YPEL4: variants seen among roughly 807,000 people sequenced by gnomAD.
YPEL4 encodes the protein protein yippee-like 4.
A neutral mutation model predicts 16.3 loss-of-function variants in YPEL4; 5 were observed. That is an observed-to-expected ratio of 0.31 (90% CI 0.16 to 0.64). The LOEUF (loss-of-function observed/expected upper bound fraction) is 0.64. YPEL4 is among the 30% of genes least tolerant of loss of function. The pLI is 0.79. For missense variants in YPEL4, 127 were observed against 170.0 expected, an observed-to-expected ratio of 0.75 and a Z score of 1.41; for synonymous variants, 61 against 60.7, an observed-to-expected ratio of 1.00 and a Z score of -0.02.
Position 57,645,880 on chromosome 11 carries a change from T to TC in YPEL4, c.*100dup. On this transcript the variant is annotated 3_prime_UTR_variant, in exon 5 of 5. Transcript: ENST00000300022. Reference sequence around the variant, plus strand: ...GGGAGGGGTTGGTTGGAGCCAGGTTTCCCCCAGGGGTGGGGCAGTACTCAT... The same window carrying TC: ...GGGAGGGGTTGGTTGGAGCCAGGTTTCCCCCCAGGGGTGGGGCAGTACTCAT... 1 of 1,229,186 alleles carries TC rather than the reference T, an allele frequency of 8.1e-7. No homozygotes were observed. Among genetic ancestry groups the TC allele is most frequent in the Non-Finnish European group, 1.1e-6 (1 of 871,156 alleles). The allele number at this position is 1,229,186 out of a possible 1,614,324, so 76.1% of individuals were successfully genotyped here. A position where few individuals can be genotyped will look rare whatever the true frequency, so the allele number is the denominator to read the frequency against.
rs193292615 is a variant in YPEL4 at position 57,645,749 on chromosome 11, G to C, written c.*232C>G. The C allele has an allele frequency of 2.2e-4, 121 of 544,954 alleles. No homozygotes were observed. The highest frequency in any genetic ancestry group is 2.2e-3 in the African/African-American group (116 of 53,128). The allele number at this position is 544,954 out of a possible 1,614,324, so 33.8% of individuals were successfully genotyped here. A position where few individuals can be genotyped will look rare whatever the true frequency, so the allele number is the denominator to read the frequency against. On this transcript the variant is annotated 3_prime_UTR_variant, in exon 5 of 5. Transcript: ENST00000300022. ...GACCCACAACCATCCCTTTCCCCCA[G>C]TTCTGTCTCTCCCTGACTGCTGCCC...
Position 57,645,733 on chromosome 11 carries a change from C to G in YPEL4, c.*248G>C, listed in dbSNP as rs570999066. On this transcript the variant is annotated 3_prime_UTR_variant, in exon 5 of 5. Coordinates refer to ENST00000300022, the MANE Select transcript of YPEL4 (RefSeq NM_145008.3). ...ATCTTGGGAACAGAAAGACCCACAA[C>G]CATCCCTTTCCCCCAGTTCTGTCTC... 2.3e-4 allele frequency: 119 copies of G among 518,988 alleles called. 2 individuals carry two copies. In the South Asian group the frequency reaches 3.0e-3, roughly 13 times the overall value. 32.1% of individuals were successfully genotyped at this position (518,988 alleles called of 1,614,324 possible).
At position 57,647,728 on chromosome 11, in the gene YPEL4, G is replaced by C. The variant is rs1414260688; in HGVS notation, c.-184-437C>G. 6.6e-6 allele frequency: 1 copy of C among 152,258 alleles called. No individual in the cohort carries two copies. Among genetic ancestry groups the C allele is most frequent in the Non-Finnish European group, 1.5e-5 (1 of 68,098 alleles). 9.4% of individuals were successfully genotyped at this position (152,258 alleles called of 1,614,324 possible). A position where few individuals can be genotyped will look rare whatever the true frequency, so the allele number is the denominator to read the frequency against. On this transcript the variant is annotated intron_variant, in intron 1 of 4. Coordinates refer to ENST00000300022, the MANE Select transcript of YPEL4 (RefSeq NM_145008.3). The surrounding 1 kb of genome is among the most constrained non-coding windows in gnomAD (Gnocchi z 4.2). ...ATGCCTGAAGGTCTTTCTTTTACATGGTCTTTGTTTGCAATACAATTGGTC... is the reference window on the plus strand; with the variant it reads ...ATGCCTGAAGGTCTTTCTTTTACATCGTCTTTGTTTGCAATACAATTGGTC...
At position 57,647,210 on chromosome 11, in the gene YPEL4, C is replaced by T. The variant is rs1945742596; in HGVS notation, c.-103G>A. The T allele has an allele frequency of 3.5e-6, 5 of 1,426,048 alleles. No homozygotes were observed. Among genetic ancestry groups the T allele is most frequent in the South Asian group, 3.1e-5 (2 of 64,834 alleles). The allele number at this position is 1,426,048 out of a possible 1,614,324, so 88.3% of individuals were successfully genotyped here. A position where few individuals can be genotyped will look rare whatever the true frequency, so the allele number is the denominator to read the frequency against. On this transcript the variant is annotated 5_prime_UTR_variant, in exon 2 of 5. Coordinates refer to ENST00000300022, the MANE Select transcript of YPEL4 (RefSeq NM_145008.3). The surrounding 1 kb of genome is among the most constrained non-coding windows in gnomAD (Gnocchi z 4.2). ...AGCAGCGGAGCAGGTTGGCTAGAGCCGTGTTTCAGGGCAGGAGAAGTGTTG... is the reference window on the plus strand; with the variant it reads ...AGCAGCGGAGCAGGTTGGCTAGAGCTGTGTTTCAGGGCAGGAGAAGTGTTG...
rs1945718276 is a variant in YPEL4 at position 57,645,341 on chromosome 11, T to A, written c.*640A>T. On this transcript the variant is annotated 3_prime_UTR_variant, in exon 5 of 5. Transcript: ENST00000300022. The stretch of plus-strand genomic sequence containing the variant: ...TCCCCACCCCACCCAATGGCAAAAG[T>A]TAGATACTCGAAAGTGCCTCTTCAG... 6.5e-6 allele frequency: 1 copy of A among 152,794 alleles called. No individual in the cohort carries two copies. The highest frequency in any genetic ancestry group is 1.5e-5 in the Non-Finnish European group (1 of 68,238). 9.5% of individuals were successfully genotyped at this position (152,794 alleles called of 1,614,324 possible).
rs1945743022 is a variant in YPEL4 at position 57,647,240 on chromosome 11, G to A, written c.-133C>T. 2.4e-6 allele frequency: 3 copies of A among 1,272,762 alleles called. No individual in the cohort carries two copies. The highest frequency in any genetic ancestry group is 3.4e-5 in the Admixed American group (1 of 29,686). 78.8% of individuals were successfully genotyped at this position (1,272,762 alleles called of 1,614,324 possible). ...TTCAGGGCAGGAGAAGTGTTGGGGG[G>A]CTGCCCGGCCAGGGCCCCCCCAGAC... On this transcript the variant is annotated 5_prime_UTR_variant, in exon 2 of 5. Transcript: ENST00000300022. The surrounding 1 kb of genome is among the most constrained non-coding windows in gnomAD (Gnocchi z 4.2).
intron 2 of YPEL4, 82 bp downstream of exon 2, chr11:57,646,885 C>T: frequency 1.9e-6 from 3 of 1,589,874 alleles, no homozygotes; most frequent in East Asian, 2.3e-5. Flanking sequence ...AGAGGAAGAG[C>T]TTTGCTGCCT....
At chr11:57,649,303 GA>G (rs985354892) in intron 1 of YPEL4, 3 of 141,626 alleles carry the variant, frequency 2.1e-5, no homozygotes, top group Non-Finnish European at 4.6e-5. Context: ...AAAGGGGGGG[GA>G]CACCTGCTCA....
chr11:57,646,145 C>G, intron 4 of YPEL4, 75 bp from the exon 5 acceptor site: 1 of 1,576,386 alleles, frequency 6.3e-7, no homozygotes, highest in Non-Finnish European at 8.7e-7. Flanking sequence ...GTATGGCCCC[C>G]ACCCCAAGGG....
rs1442286807 is a variant in YPEL4, at chr11:57,647,151, G to A, written c.-44C>T. On this transcript the variant is annotated 5_prime_UTR_variant, in exon 2 of 5. Coordinates refer to ENST00000300022, the MANE Select transcript of YPEL4 (RefSeq NM_145008.3). This position sits in a 1 kb window ranked among gnomAD's most constrained non-coding sequence, Gnocchi z 4.2. Reference sequence around the variant, plus strand: ...GCCCTGGTGGGCTGGAGGGGCTGGCGCCGTGCAGCCCCCGCAGAGACGGTC... The same window carrying A: ...GCCCTGGTGGGCTGGAGGGGCTGGCACCGTGCAGCCCCCGCAGAGACGGTC... 7 of 1,513,232 alleles carry A rather than the reference G, an allele frequency of 4.6e-6. No individual in the cohort carries two copies. The highest frequency in any genetic ancestry group is 2.6e-5 in the Admixed American group (1 of 38,416). 93.7% of individuals were successfully genotyped at this position (1,513,232 alleles called of 1,614,324 possible). A position where few individuals can be genotyped will look rare whatever the true frequency, so the allele number is the denominator to read the frequency against.
At chr11:57,646,126 C>G (rs778751857) in intron 4 of YPEL4, 56 bp from the exon 5 acceptor site, 153 of 1,600,820 alleles carry the variant, frequency 9.6e-5, no homozygotes, top group Non-Finnish European at 6.9e-5. Context: ...CCAGGCCCCA[C>G]TGTCACCTGT....
At chr11:57,646,502 G>A in intron 3 of YPEL4, 97 bp from the exon 4 acceptor site, 1 of 1,413,292 alleles carries the variant, frequency 7.1e-7, no homozygotes, top group Non-Finnish European at 9.9e-7. Flanking sequence ...GGAGAGAACT[G>A]GACAGCCCCT....
Position 57,646,089 on chromosome 11 carries a change from G to A in YPEL4, c.295-19C>T, listed in dbSNP as rs768950686. 6.2e-7 allele frequency: 1 copy of A among 1,613,656 alleles called. No homozygotes were observed. The highest frequency in any genetic ancestry group is 2.2e-5 in the East Asian group (1 of 44,890). On this transcript the variant is annotated intron_variant, in intron 4 of 4. Transcript: ENST00000300022. ...CTTGCTCCTGGTGAAGGAGAAAGCA[G>A]TGATTGTAGGACAAAGCAGTTTCCT...
chr11:57,646,058 C>T lies in YPEL4; in HGVS notation c.307G>A (p.Glu103Lys). The T allele has an allele frequency of 6.2e-7, 1 of 1,614,110 alleles. No individual in the cohort carries two copies. The highest frequency in any genetic ancestry group is 8.5e-7 in the Non-Finnish European group (1 of 1,180,030). Reference sequence around the variant, plus strand: ...CCTTCCTTGTACTTCTGGCTCGTCTCAAAAGCTTGCTCCTGGTGAAGGAGA... The same window carrying T: ...CCTTCCTTGTACTTCTGGCTCGTCTTAAAAGCTTGCTCCTGGTGAAGGAGA... The part of the protein sequence containing the change: ...TLGWKYEQAF[E>K]TSQKYKEGKY... Residue 103 changes from glutamate to lysine, a missense_variant, in exon 5 of 5, where the codon GAG becomes AAG. Transcript: ENST00000300022.
At chr11:57,646,705 TCA>T (rs751391554) in intron 3 of YPEL4, 44 bp downstream of exon 3, 14 of 1,609,374 alleles carry the variant, frequency 8.7e-6, no homozygotes, top group Admixed American at 6.8e-5. Context: ...AATTACTCAC[TCA>T]CACACAAGCA....
chr11:57,646,127 T>C (rs753013038), intron 4 of YPEL4, 57 bp from the exon 5 acceptor site: 100 of 1,598,756 alleles, frequency 6.3e-5, no homozygotes, highest in Admixed American at 2.7e-4. Context: ...CAGGCCCCAC[T>C]GTCACCTGTA....
chr11:57,646,544 G>T, intron 3 of YPEL4, 139 bp from the exon 4 acceptor site: 2 of 1,202,462 alleles, frequency 1.7e-6, no homozygotes, highest in Non-Finnish European at 2.4e-6. Context: ...TAAGACTAGA[G>T]CCTGGGCCTT....
intron 4 of YPEL4, 68 bp from the exon 5 acceptor site, chr11:57,646,138 T>C (rs1945727787): frequency 2.5e-6 from 4 of 1,585,074 alleles, no homozygotes; most frequent in Middle Eastern, 1.7e-4. Flanking sequence ...GTCACCTGTA[T>C]GGCCCCCACC....
chr11:57,649,122 G>A (rs1011355220), intron 1 of YPEL4: 1 of 152,426 alleles, frequency 6.6e-6, no homozygotes, highest in Non-Finnish European at 1.5e-5. Context: ...AAAAAACAAA[G>A]GCAAGCCGAG....
Sources: gnomAD v4.1 joint callset for allele counts on GRCh38, gnomAD v4.1.1 for gene constraint, Gnocchi (gnomAD v3.1) non-coding constraint, MANE v1.5 for transcripts, NCBI Gene and HGNC (gene_info 2026-07-23, HGNC 2026-07-21) for gene names.